SCML2: variants seen among roughly 807,000 people sequenced by gnomAD.
SCML2 encodes sex comb on midleg-like protein 2.
In SCML2, 6 loss-of-function variants were observed where a neutral mutation model predicts 48.4. That is an observed-to-expected ratio of 0.12 (90% CI 0.07 to 0.24). SCML2 has a LOEUF of 0.24. Ranked by LOEUF, SCML2 falls within the 10% of genes least tolerant of loss-of-function variation. The pLI, the probability that SCML2 is intolerant of heterozygous loss-of-function variation, is 1.00. For missense variants in SCML2, 377 were observed against 528.2 expected (o/e 0.71, Z 2.81); for synonymous variants, 181 against 189.5 (o/e 0.95, Z 0.37).
At chrX:18,253,095 C>A (rs889946095) in intron 11 of SCML2, among the ~76,000 whole-genome samples, 1 of 111,622 alleles carries the variant, frequency 9.0e-6, no homozygotes, top group Non-Finnish European at 1.9e-5. Flanking sequence ...GCAGCAAACC[C>A]CTGAAGAAGG....
chrX:18,312,538 G>GT lies in SCML2; in HGVS notation c.487-7324dup, dbSNP rs1050910665. ...CTATTTTTTACTGTATTTTGGGTTT[G>GT]TTTTTTTTTAATATTTTCAATCTGC... On this transcript the variant is annotated intron_variant, in intron 6 of 14. Transcript: ENST00000251900. 1.9e-4 allele frequency among the ~76,000 whole-genome samples: 20 copies of GT among 108,064 alleles called. No individual in the cohort carries two copies. In the East Asian group the frequency reaches 2.9e-3, roughly 16 times the overall value. 93.8% of individuals were successfully genotyped at this position (108,064 alleles called of 115,157 possible). A position where few individuals can be genotyped will look rare whatever the true frequency, so the allele number is the denominator to read the frequency against.
At chrX:18,270,637 C>T (rs1043642701) in intron 7 of SCML2, among the ~76,000 whole-genome samples, 4 of 111,135 alleles carry the variant, frequency 3.6e-5, no homozygotes, top group African/African-American at 1.3e-4. Context: ...CAATATATTA[C>T]ACATCAAAAT....
In SCML2 at chrX:18,242,602, G is replaced by C; in HGVS notation, c.1823-12C>G. The stretch of plus-strand genomic sequence containing the variant: ...TATATAACTTGGAGCTTCAATGGGG[G>C]GGAAAAAAGACAAATCATACTTGAC... On this transcript the variant is annotated splice_polypyrimidine_tract_variant and intron_variant, in intron 13 of 14. Coordinates refer to ENST00000251900, the MANE Select transcript of SCML2 (RefSeq NM_006089.3). The C allele has an allele frequency of 8.4e-7, 1 of 1,196,924 alleles. No homozygotes were observed. Among genetic ancestry groups the C allele is most frequent in the Non-Finnish European group, 1.1e-6 (1 of 889,182 alleles).
chrX:18,276,971 C>A (rs1927664409), intron 7 of SCML2, among the ~76,000 whole-genome samples: 1 of 109,159 alleles, frequency 9.2e-6, no homozygotes, highest in African/African-American at 3.4e-5. Context: ...TTTAAAATGG[C>A]TAATTTTATG....
chrX:18,313,000 T>C, intron 6 of SCML2, among the ~76,000 whole-genome samples: 1 of 94,950 alleles, frequency 1.1e-5, no homozygotes, highest in African/African-American at 4.3e-5. Flanking sequence ...TGTGTGTGTG[T>C]GTGTGTGCGC....
chrX:18,245,423 C>A (rs1926406798), intron 13 of SCML2, among the ~76,000 whole-genome samples: 1 of 112,055 alleles, frequency 8.9e-6, no homozygotes, highest in East Asian at 2.8e-4. Flanking sequence ...GGTATACTAG[C>A]CATTATGGAG....
intron 2 of SCML2, among the ~76,000 whole-genome samples, chrX:18,331,104 G>GA (rs1398244982): frequency 9.3e-6 from 1 of 107,701 alleles, no homozygotes; most frequent in Non-Finnish European, 1.9e-5. Flanking sequence ...CCTAAAAATA[G>GA]AAAAAATTAG....
At chrX:18,260,143 C>A (rs765683528) in intron 9 of SCML2, 28 bp downstream of exon 9, 2 of 1,074,175 alleles carry the variant, frequency 1.9e-6, no homozygotes, top group South Asian at 2.4e-5. Context: ...ATTAGTAATT[C>A]TATACTATTT....
intron 8 of SCML2, among the ~76,000 whole-genome samples, chrX:18,262,325 A>T: frequency 1.0e-5 from 1 of 99,356 alleles, no homozygotes; most frequent in East Asian, 3.2e-4. Flanking sequence ...GTATGTTTGG[A>T]TCTGGGTCTA....
At chrX:18,316,419 A>G (rs192230706) in intron 6 of SCML2, among the ~76,000 whole-genome samples, 64 of 111,889 alleles carry the variant, frequency 5.7e-4, no homozygotes, top group African/African-American at 2.0e-3. Flanking sequence ...GGCAAAGGCT[A>G]TAATCAGACA....
At chrX:18,330,739 T>C (rs1331131733) in intron 2 of SCML2, 84 bp from the exon 3 acceptor site, 1 of 523,498 alleles carries the variant, frequency 1.9e-6, no homozygotes, top group African/African-American at 2.4e-5. Flanking sequence ...TAAAAAACTT[T>C]AAAGAGCCAA....
chrX:18,317,063 C>A (rs1929144608), intron 6 of SCML2, among the ~76,000 whole-genome samples: 1 of 111,767 alleles, frequency 8.9e-6, no homozygotes, highest in Admixed American at 9.5e-5. Context: ...TTAAAACATA[C>A]ACCCCTTTGT....
intron 1 of SCML2, among the ~76,000 whole-genome samples, chrX:18,339,730 T>A (rs1021410798): frequency 9.0e-6 from 1 of 111,042 alleles, no homozygotes; most frequent in Non-Finnish European, 1.9e-5. Flanking sequence ...AAATAAAAAT[T>A]AAATTAAAAA....
chrX:18,324,770 A>G, intron 4 of SCML2, 137 bp downstream of exon 4: 1 of 449,886 alleles, frequency 2.2e-6, no homozygotes. Context: ...AATGAATGCA[A>G]AGAGACCATC....
chrX:18,295,211 C>T (rs1387347816), intron 7 of SCML2, among the ~76,000 whole-genome samples: 1 of 111,957 alleles, frequency 8.9e-6, no homozygotes, highest in Non-Finnish European at 1.9e-5. Context: ...AGCACTGCAC[C>T]AGGGGTCCAG....
At chrX:18,343,806 G>A (rs1602152735) in intron 1 of SCML2, among the ~76,000 whole-genome samples, 1 of 101,783 alleles carries the variant, frequency 9.8e-6, no homozygotes, top group Non-Finnish European at 2.0e-5. Flanking sequence ...AAAAAACCTG[G>A]GCCGGATTAC....
intron 6 of SCML2, among the ~76,000 whole-genome samples, chrX:18,318,777 T>C (rs926140262): frequency 3.6e-5 from 4 of 111,834 alleles, no homozygotes; most frequent in African/African-American, 1.3e-4. Context: ...ATATCTACAG[T>C]CAAGAAAGAG....
chrX:18,254,309 T>C (rs897299295), intron 11 of SCML2, among the ~76,000 whole-genome samples: 1 of 112,119 alleles, frequency 8.9e-6, no homozygotes, highest in Non-Finnish European at 1.9e-5. Flanking sequence ...CGTGAAATCT[T>C]AGTAATAACC....
intron 8 of SCML2, among the ~76,000 whole-genome samples, chrX:18,263,975 G>A (rs1387559958): frequency 9.0e-6 from 1 of 110,766 alleles, no homozygotes; most frequent in Non-Finnish European, 1.9e-5. Context: ...CTCTGTCTCT[G>A]GTTTTCAACA....
Sources: gnomAD v4.1 joint callset for allele counts (sites outside exome capture counted in the v4.1 genomes callset) on GRCh38, gnomAD v4.1.1 for gene constraint, MANE v1.5 for transcripts, NCBI Gene and HGNC (gene_info 2026-07-23, HGNC 2026-07-21) for gene names.